The following USP34 variants were observed in gnomAD, a reference collection of about 807,000 sequenced individuals.
The protein encoded by USP34 is ubiquitin carboxyl-terminal hydrolase 34.
Under a neutral mutation model 460.3 loss-of-function variants are expected in USP34, and 70 were observed. That is an observed-to-expected ratio of 0.15 (90% CI 0.13 to 0.19). The LOEUF is 0.19. USP34 is among the 10% of genes least tolerant of loss of function. The pLI, the probability that USP34 is intolerant of heterozygous loss-of-function variation, is 1.00. For missense variants in USP34, 3,985 were observed against 4,236.2 expected (o/e 0.94, Z 1.65); for synonymous variants, 1,647 against 1,405.3 (o/e 1.17, Z -3.85).
At chr2:61,338,849 GTACA>G (rs1406288169) in intron 18 of USP34, among the ~76,000 whole-genome samples, 3 of 152,182 alleles carry the variant, frequency 2.0e-5, no homozygotes, top group Non-Finnish European at 4.4e-5. Flanking sequence ...CAAAAGAACT[GTACA>G]TATCTAATAT....
intron 5 of USP34, among the ~76,000 whole-genome samples, chr2:61,384,428 G>A (rs1693074878): frequency 6.6e-6 from 1 of 152,110 alleles, no homozygotes; most frequent in Non-Finnish European, 1.5e-5. Context: ...CCAGCACTCT[G>A]GGAGATCGTG....
chr2:61,330,864 T>A (rs1217766676), intron 20 of USP34, among the ~76,000 whole-genome samples: 1 of 152,166 alleles, frequency 6.6e-6, no homozygotes, highest in Non-Finnish European at 1.5e-5. Flanking sequence ...TTTCTAATAC[T>A]AGTATGCAAT....
intron 2 of USP34, among the ~76,000 whole-genome samples, chr2:61,412,505 A>G (rs1249542110): frequency 1.3e-5 from 2 of 152,112 alleles, no homozygotes; most frequent in African/African-American, 4.8e-5. Context: ...TTTAAAAACC[A>G]ATTAAAATTA....
At chr2:61,227,037 TTTA>T in intron 62 of USP34, 27 bp downstream of exon 62, 1 of 1,573,696 alleles carries the variant, frequency 6.4e-7, no homozygotes, top group Non-Finnish European at 8.6e-7. Context: ...CCAAACATGC[TTTA>T]AACATTTTAA....
chr2:61,197,012 C>T (rs141549596), intron 75 of USP34, among the ~76,000 whole-genome samples: 3 of 152,288 alleles, frequency 2.0e-5, no homozygotes, highest in Admixed American at 6.5e-5. Flanking sequence ...TGGTGGCTCA[C>T]GCCTATAATC....
At chr2:61,278,566 T>C (rs1689441691) in intron 39 of USP34, 123 bp from the exon 40 acceptor site, 1 of 710,442 alleles carries the variant, frequency 1.4e-6, no homozygotes. Flanking sequence ...CAATAAGTTA[T>C]AAACGTAATA....
intron 10 of USP34, among the ~76,000 whole-genome samples, chr2:61,354,447 G>C (rs562246405): frequency 6.6e-6 from 1 of 152,298 alleles, no homozygotes; most frequent in East Asian, 1.9e-4. Flanking sequence ...GCAGAAAAAA[G>C]CTGAAGGAGT....
chr2:61,357,898 C>G (rs931055740), intron 10 of USP34, among the ~76,000 whole-genome samples: 1 of 152,014 alleles, frequency 6.6e-6, no homozygotes, highest in African/African-American at 2.4e-5. Context: ...CTTTACAAAA[C>G]AGTAAGAATG....
At chr2:61,277,931 C>T (rs543841455) in intron 41 of USP34, 12 of 451,308 alleles carry the variant, frequency 2.7e-5, no homozygotes, top group Non-Finnish European at 1.6e-5. Flanking sequence ...TTTTGCCTGC[C>T]GCCATCCACA....
At chr2:61,407,643 T>C (rs1172074525) in intron 2 of USP34, among the ~76,000 whole-genome samples, 1 of 152,204 alleles carries the variant, frequency 6.6e-6, no homozygotes, top group African/African-American at 2.4e-5. Context: ...TTCTAGTGAA[T>C]AGAAAGTGGT....
intron 74 of USP34, 97 bp downstream of exon 74, chr2:61,204,159 T>C (rs938875530): frequency 1.4e-6 from 2 of 1,473,212 alleles, no homozygotes; most frequent in Non-Finnish European, 1.8e-6. Context: ...TCCACAAAAT[T>C]GGTCACTTAA....
At chr2:61,284,810 T>TA in intron 35 of USP34, 65 bp downstream of exon 35, 1 of 1,317,086 alleles carries the variant, frequency 7.6e-7, no homozygotes, top group Non-Finnish European at 1.0e-6. Flanking sequence ...TTTTTCAAAA[T>TA]AAAGTTTTAA....
intron 1 of USP34, among the ~76,000 whole-genome samples, chr2:61,436,696 G>A (rs1694823612): frequency 6.6e-6 from 1 of 152,156 alleles, no homozygotes; most frequent in African/African-American, 2.4e-5. Context: ...AAAACCAACA[G>A]CTATTTACAG....
Position 61,354,415 on chromosome 2 carries a change from T to A in USP34, c.1252-3722A>T, listed in dbSNP as rs1305662095. 4.6e-5 allele frequency among the ~76,000 whole-genome samples: 7 copies of A among 152,254 alleles called. No homozygotes were observed. The South Asian group carries it at 1.4e-3, about 32-fold the overall frequency. ...TTCAGCAAAACTGTCCTTCAAAAAT[T>A]AGGGTTGAAATTAAGACATTCGCAG... On this transcript the variant is annotated intron_variant, in intron 10 of 79. Coordinates refer to ENST00000398571, the MANE Select transcript of USP34 (RefSeq NM_014709.4).
chr2:61,286,531 C>CAGGCG (rs1235051901), intron 34 of USP34, among the ~76,000 whole-genome samples: 6 of 152,028 alleles, frequency 3.9e-5, no homozygotes, highest in African/African-American at 1.4e-4. Context: ...TGGCGTGTGC[C>CAGGCG]TGTAATCCCA....
chr2:61,260,645 C>T (rs1354334838), intron 43 of USP34, among the ~76,000 whole-genome samples: 1 of 152,062 alleles, frequency 6.6e-6, no homozygotes, highest in Non-Finnish European at 1.5e-5. Flanking sequence ...ATATATTAAA[C>T]TCAACAGGAA....
intron 2 of USP34, among the ~76,000 whole-genome samples, 185 bp downstream of exon 2, chr2:61,420,561 C>T (rs557488538): frequency 1.3e-5 from 2 of 152,190 alleles, no homozygotes; most frequent in African/African-American, 2.4e-5. Flanking sequence ...GATATTTATG[C>T]CCATGTTTTA....
At chr2:61,442,084 G>GA (rs766094174) in intron 1 of USP34, among the ~76,000 whole-genome samples, 28 of 152,146 alleles carry the variant, frequency 1.8e-4, no homozygotes, top group South Asian at 6.2e-4. Context: ...GCACAACAAT[G>GA]AAACTATACC....
At chr2:61,207,031 A>G (rs1408769121) in intron 70 of USP34, 145 bp from the exon 71 acceptor site, 1 of 797,530 alleles carries the variant, frequency 1.3e-6, no homozygotes. Context: ...TTTGCTTTCT[A>G]TCCTGAAGTT....
Sources: allele counts gnomAD v4.1 joint callset (sites outside exome capture counted in the v4.1 genomes callset), GRCh38; gene constraint gnomAD v4.1.1; transcripts MANE v1.5; gene names NCBI Gene and HGNC (gene_info 2026-07-23, HGNC 2026-07-21).